Variants in DGKI observed in about 807,000 individuals in gnomAD.
The protein encoded by DGKI is diacylglycerol kinase iota.
A neutral mutation model predicts 147.5 loss-of-function variants in DGKI; 55 were observed. The ratio of observed to expected loss-of-function variants is 0.37; its 90% confidence interval spans 0.30 to 0.47. DGKI has a LOEUF of 0.47. Among genes scored for constraint, DGKI ranks in the 20% least tolerant of loss-of-function variants. DGKI has a pLI of 1.00. For synonymous variants in DGKI, 469 were observed against 477.1 expected, an observed-to-expected ratio of 0.98 and a Z score of 0.22; for missense variants, 1,007 against 1,323.8, an observed-to-expected ratio of 0.76 and a Z score of 3.71.
chr7:137,639,177 T>C (rs1193607322), intron 6 of DGKI, among the ~76,000 whole-genome samples: 1 of 152,164 alleles, frequency 6.6e-6, no homozygotes, highest in Non-Finnish European at 1.5e-5. Context: ...TTCAATCAAA[T>C]TCAGCAACAG....
At chr7:137,752,357 G>A (rs1424799422) in intron 1 of DGKI, among the ~76,000 whole-genome samples, 7 of 152,138 alleles carry the variant, frequency 4.6e-5, no homozygotes, top group Non-Finnish European at 1.0e-4. Flanking sequence ...GGAAAAGGAA[G>A]GCCTCATATT....
At chr7:137,559,300 T>C (rs572488559) in intron 19 of DGKI, among the ~76,000 whole-genome samples, 219 of 151,324 alleles carry the variant, frequency 1.4e-3, no homozygotes, top group African/African-American at 5.0e-3. Context: ...CTCGATCTCC[T>C]GACCTCGTGA....
At chr7:137,638,379 C>A (rs1350318335) in intron 6 of DGKI, among the ~76,000 whole-genome samples, 3 of 142,114 alleles carry the variant, frequency 2.1e-5, no homozygotes, top group Non-Finnish European at 4.6e-5. Flanking sequence ...CTTTTTTTTT[C>A]TATTTTTGCC....
At chr7:137,713,770 T>C (rs1043793141) in intron 1 of DGKI, among the ~76,000 whole-genome samples, 4 of 152,240 alleles carry the variant, frequency 2.6e-5, no homozygotes, top group East Asian at 1.9e-4. Flanking sequence ...GTGCCTCAAG[T>C]AGCTAGGACT....
intron 21 of DGKI, among the ~76,000 whole-genome samples, chr7:137,509,636 CTG>C (rs1277091219): frequency 6.6e-6 from 1 of 152,102 alleles, no homozygotes; most frequent in Non-Finnish European, 1.5e-5. Flanking sequence ...TTAGTGAAAA[CTG>C]TGATGATGGA....
At chr7:137,405,184 A>C (rs867856306) in intron 30 of DGKI, among the ~76,000 whole-genome samples, 4 of 152,186 alleles carry the variant, frequency 2.6e-5, no homozygotes, top group South Asian at 2.1e-4. Flanking sequence ...TTTCATTTTT[A>C]GTATAATCAT....
At chr7:137,618,164 TACTC>T (rs1563114700) in intron 8 of DGKI, among the ~76,000 whole-genome samples, 2 of 109,616 alleles carry the variant, frequency 1.8e-5, no homozygotes, top group African/African-American at 5.8e-5. Flanking sequence ...TTTTTTTTTT[TACTC>T]TATCATTCCT....
chr7:137,658,037 C>T (rs540059129), intron 3 of DGKI, among the ~76,000 whole-genome samples: 1 of 152,258 alleles, frequency 6.6e-6, no homozygotes, highest in African/African-American at 2.4e-5. Context: ...ATTTCCTCTT[C>T]CTGAGGGAAG....
At chr7:137,822,699 G>A (rs1052746478) in intron 1 of DGKI, among the ~76,000 whole-genome samples, 9 of 151,722 alleles carry the variant, frequency 5.9e-5, no homozygotes, top group Admixed American at 5.3e-4. Flanking sequence ...GAAAATTTTT[G>A]AAGAAAACAG....
intron 28 of DGKI, among the ~76,000 whole-genome samples, chr7:137,442,727 T>C (rs1312363467): frequency 6.6e-6 from 1 of 152,216 alleles, no homozygotes; most frequent in Non-Finnish European, 1.5e-5. Flanking sequence ...GATTTCACAA[T>C]GTGGCAGTAG....
chr7:137,585,243 A>G lies in DGKI; in HGVS notation c.1529T>C (p.Leu510Ser). The G allele has an allele frequency of 6.2e-7, 1 of 1,614,120 alleles. No homozygotes were observed. Among genetic ancestry groups the G allele is most frequent in the Non-Finnish European group, 8.5e-7 (1 of 1,180,008 alleles). The part of the protein sequence containing the change: ...WNLHVERNPD[L>S]PPEELEDGVC... ...GCCATCTTCAAGTTCTTCTGGAGGC[A>G]AGTCGGGGTTTCTTTCCACATGGAG... Residue 510 changes from leucine to serine, a missense_variant, in exon 14 of 33, where the codon TTG (leucine) becomes TCG (serine). Leu to Ser is a moderately radical substitution (Grantham distance 145). Coordinates refer to ENST00000614521, the MANE Select transcript of DGKI (RefSeq NM_001321708.2).
At chr7:137,752,474 G>A (rs1795528689) in intron 1 of DGKI, among the ~76,000 whole-genome samples, 1 of 152,154 alleles carries the variant, frequency 6.6e-6, no homozygotes, top group Non-Finnish European at 1.5e-5. Context: ...TGCCTCCAAA[G>A]AAAGAAGAAG....
chr7:137,454,975 G>C (rs996083339), intron 27 of DGKI: 3 of 151,994 alleles, frequency 2.0e-5, no homozygotes, highest in Admixed American at 1.3e-4. Flanking sequence ...TTAGCACGTG[G>C]GGCTTATAAG....
intron 23 of DGKI, among the ~76,000 whole-genome samples, chr7:137,483,677 G>C (rs543218413): frequency 4.1e-4 from 62 of 151,970 alleles, no homozygotes; most frequent in Non-Finnish European, 6.0e-4. Flanking sequence ...GCTACCACTT[G>C]TAAGTGACAA....
At chr7:137,715,772 G>A (rs1250304758) in intron 1 of DGKI, among the ~76,000 whole-genome samples, 3 of 152,256 alleles carry the variant, frequency 2.0e-5, no homozygotes, top group Admixed American at 6.5e-5. Flanking sequence ...CTTGATAGAA[G>A]CCCAAACCTA....
chr7:137,833,309 T>C (rs562109353), intron 1 of DGKI, among the ~76,000 whole-genome samples: 19 of 152,274 alleles, frequency 1.2e-4, no homozygotes, highest in African/African-American at 4.1e-4. Context: ...CAGTTCCCCA[T>C]GGCTGGGGAG....
chr7:137,409,013 A>C (rs1322610280), intron 29 of DGKI, among the ~76,000 whole-genome samples: 1 of 152,222 alleles, frequency 6.6e-6, no homozygotes, highest in Non-Finnish European at 1.5e-5. Flanking sequence ...AAATGACCTA[A>C]ATGCAAAGAA....
chr7:137,381,767 T>G lies in DGKI; in HGVS notation c.*9453A>C, dbSNP rs1328342000. 1 of 152,058 alleles carries G rather than the reference T, an allele frequency of 6.6e-6. No homozygotes were observed. Among genetic ancestry groups the G allele is most frequent in the African/African-American group, 2.4e-5 (1 of 41,416 alleles). The allele number at this position is 152,058 out of a possible 1,614,324, so 9.4% of individuals were successfully genotyped here. A position where few individuals can be genotyped will look rare whatever the true frequency, so the allele number is the denominator to read the frequency against. ...CAAGCTAACCTTTGCTGAGACTATTTTGGCCCCTGACTTTTCAAAGATGTG... is the reference window on the plus strand; with the variant it reads ...CAAGCTAACCTTTGCTGAGACTATTGTGGCCCCTGACTTTTCAAAGATGTG... On this transcript the variant is annotated 3_prime_UTR_variant, in exon 33 of 33. Coordinates refer to ENST00000614521, the MANE Select transcript of DGKI (RefSeq NM_001321708.2).
intron 21 of DGKI, among the ~76,000 whole-genome samples, chr7:137,511,638 G>A (rs1448182303): frequency 6.6e-6 from 1 of 152,220 alleles, no homozygotes. Context: ...TAAATGAAGA[G>A]TTGAATGAAT....
Sources: allele counts gnomAD v4.1 joint callset (sites outside exome capture counted in the v4.1 genomes callset), GRCh38; gene constraint gnomAD v4.1.1; transcripts MANE v1.5; gene names NCBI Gene and HGNC (gene_info 2026-07-23, HGNC 2026-07-21).